The following ZC3H3 variants were observed in gnomAD, a reference collection of about 807,000 sequenced individuals.
ZC3H3 encodes zinc finger CCCH domain-containing protein 3.
A neutral mutation model predicts 77.3 loss-of-function variants in ZC3H3; 36 were observed. The observed-to-expected ratio is 0.47, with a 90% CI of 0.36 to 0.61. ZC3H3 has a LOEUF of 0.61. ZC3H3 is among the 20% of genes least tolerant of loss of function. ZC3H3 has a pLI of 0.00. For missense variants in ZC3H3, 1,331 were observed against 1,312.2 expected (o/e 1.01, Z -0.22); for synonymous variants, 626 against 555.2 (o/e 1.13, Z -1.79).
At chr8:143,528,615 C>T (rs1306022368) in intron 3 of ZC3H3, among the ~76,000 whole-genome samples, 1 of 152,242 alleles carries the variant, frequency 6.6e-6, no homozygotes, top group Non-Finnish European at 1.5e-5. Flanking sequence ...CTGAGTGCTG[C>T]TGCCGACCTC....
At chr8:143,455,433 T>A (rs899001699) in intron 9 of ZC3H3, among the ~76,000 whole-genome samples, 1 of 151,574 alleles carries the variant, frequency 6.6e-6, no homozygotes, top group Non-Finnish European at 1.5e-5. Context: ...AAGGCAGAGG[T>A]TGCAGTGGAC....
At chr8:143,443,682 C>T (rs1402464096) in intron 9 of ZC3H3, among the ~76,000 whole-genome samples, 3 of 152,052 alleles carry the variant, frequency 2.0e-5, no homozygotes, top group African/African-American at 7.3e-5. Flanking sequence ...TCTTTTAAAA[C>T]AGTAATCAAT....
chr8:143,499,314 C>T (rs998905124), intron 4 of ZC3H3, among the ~76,000 whole-genome samples: 5 of 152,090 alleles, frequency 3.3e-5, no homozygotes, highest in Non-Finnish European at 7.4e-5. Context: ...CATCAACACC[C>T]AGGGCCAGAG....
At chr8:143,496,511 A>G (rs570036015) in intron 4 of ZC3H3, among the ~76,000 whole-genome samples, 1 of 152,352 alleles carries the variant, frequency 6.6e-6, no homozygotes, top group Non-Finnish European at 1.5e-5. Flanking sequence ...CCAGAATAAC[A>G]GAGCAGATTA....
rs1563889479 is a variant in ZC3H3 at position 143,538,069 on chromosome 8, TC to T, written c.1297del (p.Glu433ArgfsTer9). On this transcript the variant is annotated frameshift_variant, in exon 2 of 12. Coordinates refer to ENST00000262577, the MANE Select transcript of ZC3H3 (RefSeq NM_015117.3). LOFTEE classifies it high-confidence loss of function. ...CACTTTGTAAGCCGAGAGCGGGGTC[TC>T]CCCAGAGAGGGGCTTCAAGCCACTG... ...GHSGLKPLSG[E>X]TPLSAYKVKS... 6.2e-7 allele frequency: 1 copy of T among 1,612,710 alleles called. No individual in the cohort carries two copies. The highest frequency in any genetic ancestry group is 1.3e-5 in the African/African-American group (1 of 74,918).
rs559226812 is a variant in ZC3H3 at position 143,485,265 on chromosome 8, G to A, written c.1716-9680C>T. Among the ~76,000 whole-genome samples, 4 of 152,332 alleles carry A rather than the reference G, an allele frequency of 2.6e-5. No individual in the cohort carries two copies. In the South Asian group the frequency reaches 8.3e-4, roughly 32 times the overall value. ...GCTGAAATCCTAAGAAGAAGAAAAT[G>A]CAAATCTATGATTTGGAGGCTGGTT... On this transcript the variant is annotated intron_variant, in intron 4 of 11. Coordinates refer to ENST00000262577, the MANE Select transcript of ZC3H3 (RefSeq NM_015117.3).
At chr8:143,479,732 T>C (rs1563851437) in intron 4 of ZC3H3, among the ~76,000 whole-genome samples, 1 of 152,284 alleles carries the variant, frequency 6.6e-6, no homozygotes, top group East Asian at 1.9e-4. Flanking sequence ...GAAGTGACAA[T>C]GCCCCAGGAT....
At chr8:143,463,532 G>A (rs115647024) in intron 9 of ZC3H3, among the ~76,000 whole-genome samples, 2,313 of 152,290 alleles carry the variant, frequency 0.015, 52 homozygotes, top group African/African-American at 0.051. Context: ...GTTCAAGGAC[G>A]CCGGCCGCGG....
chr8:143,510,078 A>G (rs780525792), intron 3 of ZC3H3, among the ~76,000 whole-genome samples: 6 of 152,188 alleles, frequency 3.9e-5, no homozygotes, highest in Non-Finnish European at 5.9e-5. Flanking sequence ...ACTCCTGCGC[A>G]GTGCTGGCAG....
At chr8:143,455,941 T>C (rs1820105367) in intron 9 of ZC3H3, among the ~76,000 whole-genome samples, 1 of 129,176 alleles carries the variant, frequency 7.7e-6, no homozygotes, top group Admixed American at 1.0e-4. Flanking sequence ...ATCACACTAC[T>C]GCACTCCAGT....
intron 9 of ZC3H3, among the ~76,000 whole-genome samples, chr8:143,442,109 G>A (rs922917625): frequency 6.6e-6 from 1 of 152,036 alleles, no homozygotes; most frequent in African/African-American, 2.4e-5. Context: ...TGGGATCCCA[G>A]GTACTGCTCC....
intron 9 of ZC3H3, among the ~76,000 whole-genome samples, chr8:143,464,218 A>G (rs1563841600): frequency 1.3e-5 from 2 of 152,274 alleles, no homozygotes; most frequent in Non-Finnish European, 2.9e-5. Context: ...ACGGAAAGGC[A>G]GCAGTAAGCA....
chr8:143,443,827 G>C (rs1220133863), intron 9 of ZC3H3, among the ~76,000 whole-genome samples: 3 of 152,194 alleles, frequency 2.0e-5, no homozygotes, highest in African/African-American at 7.2e-5. Flanking sequence ...ATGCCAGTAT[G>C]TTTGAAAACA....
At chr8:143,484,311 G>A (rs77266728) in intron 4 of ZC3H3, among the ~76,000 whole-genome samples, 1 of 152,204 alleles carries the variant, frequency 6.6e-6, no homozygotes, top group Non-Finnish European at 1.5e-5. Flanking sequence ...TCTGCAGCCT[G>A]GCTGGGTGGC....
At position 143,475,599 on chromosome 8, in the gene ZC3H3, A is replaced by C. The variant is rs780033461; in HGVS notation, c.1716-14T>G. The stretch of plus-strand genomic sequence containing the variant: ...AGCACCAGGGACCTGCAGAGACAGG[A>C]AATGCCCGTCAAACCTGGCCCCAGG... On this transcript the variant is annotated splice_polypyrimidine_tract_variant and intron_variant, in intron 4 of 11. Coordinates refer to ENST00000262577, the MANE Select transcript of ZC3H3 (RefSeq NM_015117.3). 7 of 1,575,670 alleles carry C rather than the reference A, an allele frequency of 4.4e-6. No homozygotes were observed. The highest frequency in any genetic ancestry group is 1.8e-5 in the Admixed American group (1 of 54,080).
At chr8:143,475,182 T>A (rs1162642595) in intron 5 of ZC3H3, among the ~76,000 whole-genome samples, 5 of 152,192 alleles carry the variant, frequency 3.3e-5, no homozygotes, top group Non-Finnish European at 7.4e-5. Context: ...AAGAGTGAAA[T>A]TAACTCCCAG....
intron 3 of ZC3H3, among the ~76,000 whole-genome samples, chr8:143,526,302 G>A (rs973864804): frequency 2.6e-5 from 4 of 152,224 alleles, no homozygotes; most frequent in African/African-American, 4.8e-5. Context: ...AGAGCTCAGC[G>A]GATGCCCAGT....
chr8:143,476,654 T>C (rs970460458), intron 4 of ZC3H3, among the ~76,000 whole-genome samples: 6 of 152,174 alleles, frequency 3.9e-5, no homozygotes, highest in African/African-American at 1.4e-4. Context: ...CTGAGGTGGA[T>C]ACCACACCCC....
chr8:143,510,003 C>A (rs1488843039), intron 3 of ZC3H3, among the ~76,000 whole-genome samples: 1 of 152,206 alleles, frequency 6.6e-6, no homozygotes, highest in African/African-American at 2.4e-5. Context: ...CATTCTAGAA[C>A]ACTTCTGCCC....
Sources: allele counts gnomAD v4.1 joint callset (sites outside exome capture counted in the v4.1 genomes callset), GRCh38; gene constraint gnomAD v4.1.1; transcripts MANE v1.5; gene names NCBI Gene and HGNC (gene_info 2026-07-23, HGNC 2026-07-21).